The following RBFOX1 variants were observed in gnomAD, a reference collection of about 807,000 sequenced individuals.
The protein encoded by RBFOX1 is RNA binding fox-1 homolog 1.
In RBFOX1, 8 loss-of-function variants were observed where a neutral mutation model predicts 57.7. That is an observed-to-expected ratio of 0.14 (90% confidence interval 0.08 to 0.25). The LOEUF is 0.25. RBFOX1 is among the 10% of genes least tolerant of loss of function. The pLI is 1.00. For synonymous variants in RBFOX1, 326 were observed against 222.4 expected (o/e 1.47, Z -4.15); for missense variants, 611 against 548.5 (o/e 1.11, Z -1.14).
At chr16:6,243,080 G>T (rs1365072538) in intron 1 of RBFOX1, among the ~76,000 whole-genome samples, 2 of 152,058 alleles carry the variant, frequency 1.3e-5, no homozygotes, top group African/African-American at 4.8e-5. Context: ...TCCCACTCAT[G>T]TAAGAGTCTT....
At chr16:6,413,731 G>A (rs988441566) in intron 2 of RBFOX1, among the ~76,000 whole-genome samples, 4 of 152,168 alleles carry the variant, frequency 2.6e-5, no homozygotes, top group Admixed American at 2.0e-4. Context: ...ACCACATGAA[G>A]GTTTATCTTT....
chr16:6,940,592 A>G (rs1286332395), intron 3 of RBFOX1, among the ~76,000 whole-genome samples: 3 of 152,028 alleles, frequency 2.0e-5, no homozygotes, highest in African/African-American at 4.8e-5. Context: ...CAGGGGTCTT[A>G]TTTGTACACT....
intron 12 of RBFOX1, among the ~76,000 whole-genome samples, chr16:7,661,254 G>A (rs1430388450): frequency 6.6e-6 from 1 of 152,112 alleles, no homozygotes; most frequent in African/African-American, 2.4e-5. Context: ...CAATACATGT[G>A]CACTTTGAAA....
intron 4 of RBFOX1, among the ~76,000 whole-genome samples, chr16:7,089,418 A>T (rs1443894252): frequency 6.6e-6 from 1 of 152,172 alleles, no homozygotes; most frequent in Admixed American, 6.5e-5. Context: ...AAAAAAAAGT[A>T]GTCACGTGGG....
At chr16:5,847,475 C>T (rs1306484981) in intron 3 of RBFOX1, among the ~76,000 whole-genome samples, 2 of 152,078 alleles carry the variant, frequency 1.3e-5, no homozygotes, top group East Asian at 1.9e-4. Context: ...ATAGGAACTT[C>T]AGTGCCATTT....
intron 1 of RBFOX1, chr16:5,467,130 A>G: frequency 7.4e-7 from 1 of 1,353,002 alleles, no homozygotes. Context: ...ATCTAAGAGA[A>G]AAACAAAGCC....
chr16:6,278,178 G>T (rs1156394250), intron 1 of RBFOX1, among the ~76,000 whole-genome samples: 4 of 152,018 alleles, frequency 2.6e-5, no homozygotes, highest in Admixed American at 2.0e-4. Flanking sequence ...GTGCAGGCAG[G>T]TACTTTGTGA....
intron 1 of RBFOX1, among the ~76,000 whole-genome samples, chr16:6,207,843 A>T (rs1403063252): frequency 6.6e-6 from 1 of 152,084 alleles, no homozygotes; most frequent in East Asian, 1.9e-4. Context: ...GTATGGCACC[A>T]CATCCAGCTA....
chr16:5,409,911 C>T (rs9940381), intron 1 of RBFOX1, among the ~76,000 whole-genome samples: 43,614 of 151,366 alleles, frequency 0.29, 6,406 homozygotes, highest in South Asian at 0.34. Flanking sequence ...AGCTGGGCAT[C>T]GTGGCGGACA....
At chr16:6,690,409 CTT>C (rs1465374823) in intron 3 of RBFOX1, among the ~76,000 whole-genome samples, 1 of 151,856 alleles carries the variant, frequency 6.6e-6, no homozygotes, top group Non-Finnish European at 1.5e-5. Context: ...GGCCATCACA[CTT>C]TTAAAAAAAT....
At chr16:6,654,881 G>A (rs1181828180) in intron 3 of RBFOX1, among the ~76,000 whole-genome samples, 1 of 117,098 alleles carries the variant, frequency 8.5e-6, no homozygotes, top group Non-Finnish European at 2.0e-5. Flanking sequence ...TACAAAAAAT[G>A]TGGTGCTGAT....
intron 2 of RBFOX1, among the ~76,000 whole-genome samples, chr16:6,606,707 A>G (rs1005181228): frequency 6.6e-6 from 1 of 152,188 alleles, no homozygotes; most frequent in Non-Finnish European, 1.5e-5. Context: ...TTATGGCCGT[A>G]TAGCATTCCA....
intron 4 of RBFOX1, among the ~76,000 whole-genome samples, chr16:5,992,345 T>C (rs1014798530): frequency 6.6e-6 from 1 of 152,232 alleles, no homozygotes. Context: ...CAGCAAAAGC[T>C]ACTTCAGTAA....
chr16:6,363,666 G>A (rs570442264), intron 2 of RBFOX1, among the ~76,000 whole-genome samples: 19 of 152,256 alleles, frequency 1.2e-4, no homozygotes, highest in African/African-American at 3.1e-4. Context: ...TAAAGTTTCC[G>A]AAGATTAAAT....
intron 1 of RBFOX1, among the ~76,000 whole-genome samples, chr16:6,067,944 C>G (rs984809310): frequency 2.6e-5 from 4 of 152,134 alleles, no homozygotes; most frequent in African/African-American, 4.8e-5. Flanking sequence ...TGAACAGTAT[C>G]CAACTAGCCT....
intron 2 of RBFOX1, among the ~76,000 whole-genome samples, chr16:6,524,052 T>C (rs1208540191): frequency 6.6e-6 from 1 of 152,206 alleles, no homozygotes; most frequent in East Asian, 1.9e-4. Flanking sequence ...TAAGTTATTA[T>C]TGAGTATAGT....
At chr16:6,962,505 C>T (rs569697750) in intron 3 of RBFOX1, among the ~76,000 whole-genome samples, 31 of 152,268 alleles carry the variant, frequency 2.0e-4, no homozygotes, top group African/African-American at 6.7e-4. Context: ...TCCCTGGCAT[C>T]CTTTCTTCTT....
Position 6,074,951 on chromosome 16 carries a change from A to G in RBFOX1, c.-127+54959A>G, listed in dbSNP as rs192525273. Among the ~76,000 whole-genome samples the G allele has an allele frequency of 6.0e-3, 918 of 152,288 alleles. 26 individuals are homozygous for G. The highest frequency in any genetic ancestry group is 0.039 in the Admixed American group (592 of 15,292). On this transcript the variant is annotated intron_variant, in intron 1 of 15. Transcript: ENST00000550418. ...CACCATCTCTAAAAAAGATAATTAA[A>G]AAAAATAAAAGAAGGGTCTGATTGG...
At chr16:7,508,297 G>A (rs1005142118) in intron 4 of RBFOX1, among the ~76,000 whole-genome samples, 3 of 152,136 alleles carry the variant, frequency 2.0e-5, no homozygotes, top group African/African-American at 7.2e-5. Flanking sequence ...GTTGTTGTTT[G>A]TTTTTGAGTA....
Sources: allele counts gnomAD v4.1 joint callset (sites outside exome capture counted in the v4.1 genomes callset), GRCh38; gene constraint gnomAD v4.1.1; transcripts MANE v1.5; gene names NCBI Gene and HGNC (gene_info 2026-07-23, HGNC 2026-07-21).